Variants in RBM41 observed in about 807,000 individuals in gnomAD.
RBM41 encodes the protein RNA binding motif protein 41, also known as RNA-binding protein 41.
In RBM41, 14 loss-of-function variants were observed where a neutral mutation model predicts 30.8. The ratio of observed to expected loss-of-function variants is 0.45; its 90% CI spans 0.30 to 0.71. RBM41 has a LOEUF of 0.71. Among genes scored for constraint, RBM41 ranks in the 30% least tolerant of loss-of-function variants. The pLI is 0.08. For missense variants in RBM41, 276 were observed against 326.3 expected, an observed-to-expected ratio of 0.85 and a Z score of 1.19; for synonymous variants, 120 against 110.1, an observed-to-expected ratio of 1.09 and a Z score of -0.56.
At chrX:107,107,961 C>A (rs1167505001) in intron 5 of RBM41, among the ~76,000 whole-genome samples, 1 of 111,333 alleles carries the variant, frequency 9.0e-6, no homozygotes, top group East Asian at 2.8e-4. Flanking sequence ...ATATATGTTT[C>A]TTTCTCACTG....
chrX:107,081,328 T>C (rs1238968578), intron 6 of RBM41, among the ~76,000 whole-genome samples: 2 of 111,563 alleles, frequency 1.8e-5, no homozygotes, highest in Non-Finnish European at 3.8e-5. Context: ...CAATTTACTG[T>C]ATTTATGTGG....
rs1415460063 is a variant in RBM41, at chrX:107,102,451, T to C, written c.595+10946A>G. On this transcript the variant is annotated intron_variant, in intron 5 of 7. Transcript: ENST00000685964. ...ACAGTATAGATGGACAAACTTTCATTGAAGAGATTAAGTGTTAGGGTGTTA... is the reference window on the plus strand; with the variant it reads ...ACAGTATAGATGGACAAACTTTCATCGAAGAGATTAAGTGTTAGGGTGTTA... Among the ~76,000 whole-genome samples the C allele has an allele frequency of 2.7e-5, 3 of 111,270 alleles. No homozygotes were observed. In the Admixed American group the frequency reaches 2.9e-4, roughly 11 times the overall value.
In RBM41 at chrX:107,062,922, A is replaced by G. The variant is rs1411758884; in HGVS notation, c.*4605T>C. Among the ~76,000 whole-genome samples the G allele has an allele frequency of 8.9e-6, 1 of 112,070 alleles. No homozygotes were observed. The highest frequency in any genetic ancestry group is 3.2e-5 in the African/African-American group (1 of 30,852). On this transcript the variant is annotated 3_prime_UTR_variant, in exon 8 of 8. Coordinates refer to ENST00000685964, the MANE Select transcript of RBM41 (RefSeq NM_001324242.2). The stretch of plus-strand genomic sequence containing the variant: ...AACCTTGGACATGAGTATAGGTCAT[A>G]ATATATTCATAGATACACTTCACTA...
In RBM41 at chrX:107,088,653, T is replaced by G; in HGVS notation, c.782A>C (p.Gln261Pro). ...SGTAESPSLL[Q>P]DKGKQAAQGK... is the part of the protein sequence containing the mutation. ...CTGTGCTGCCTGTTTTCCCTTGTCC[T>G]GGAGTAATGATGGGCTCTCAGCTGT... Residue 261 changes from glutamine to proline, a missense_variant, in exon 6 of 8, where the codon CAG (glutamine) becomes CCG (proline). Physicochemically the swap from Gln to Pro is moderately conservative, Grantham distance 76. Coordinates refer to ENST00000685964, the MANE Select transcript of RBM41 (RefSeq NM_001324242.2). The G allele has an allele frequency of 1.7e-6, 2 of 1,211,578 alleles. No individual in the cohort carries two copies. The highest frequency in any genetic ancestry group is 1.1e-6 in the Non-Finnish European group (1 of 895,388).
At chrX:107,074,938 T>C (rs1263140988) in intron 6 of RBM41, among the ~76,000 whole-genome samples, 1 of 111,804 alleles carries the variant, frequency 8.9e-6, no homozygotes, top group African/African-American at 3.2e-5. Context: ...GAACCACAGA[T>C]GATACCAAGT....
chrX:107,104,666 G>A (rs1177772025), intron 5 of RBM41, among the ~76,000 whole-genome samples: 1 of 111,015 alleles, frequency 9.0e-6, no homozygotes, highest in African/African-American at 3.3e-5. Context: ...TATGGTTTTT[G>A]TCACTGGTTC....
In RBM41 at chrX:107,067,410, C is replaced by A; in HGVS notation, c.*117G>T. On this transcript the variant is annotated 3_prime_UTR_variant, in exon 8 of 8. Coordinates refer to ENST00000685964, the MANE Select transcript of RBM41 (RefSeq NM_001324242.2). ...CCAAAAGCTGAAATTACTTTTTTCC[C>A]CTCCCTCAGTTAGTTTTTCCTCTTC... is the stretch of plus-strand genomic sequence containing the variant. 1 of 1,091,843 alleles carries A rather than the reference C, an allele frequency of 9.2e-7. No homozygotes were observed. Among genetic ancestry groups the A allele is most frequent in the South Asian group, 2.8e-5 (1 of 35,355 alleles). 90.0% of individuals were successfully genotyped at this position (1,091,843 alleles called of 1,213,427 possible).
downstream of RBM41, among the ~76,000 whole-genome samples, chrX:107,059,337 G>C (rs933733672): frequency 9.1e-6 from 1 of 109,576 alleles, no homozygotes; most frequent in Admixed American, 9.8e-5. Context: ...TGGGGCCTGT[G>C]GGGTGGGGTG....
intron 5 of RBM41, among the ~76,000 whole-genome samples, chrX:107,091,157 TTAAGA>T (rs1922508698): frequency 8.9e-6 from 1 of 111,981 alleles, no homozygotes; most frequent in Non-Finnish European, 1.9e-5. Flanking sequence ...CAACTCAAAT[TTAAGA>T]TAACAAGATT....
At chrX:107,111,269 G>T (rs1414545169) in intron 5 of RBM41, among the ~76,000 whole-genome samples, 1 of 111,217 alleles carries the variant, frequency 9.0e-6, no homozygotes, top group African/African-American at 3.3e-5. Flanking sequence ...TATACAAATG[G>T]CCAAAAAGCA....
chrX:107,079,079 C>A (rs1921264159), intron 6 of RBM41, among the ~76,000 whole-genome samples: 1 of 111,294 alleles, frequency 9.0e-6, no homozygotes, highest in Admixed American at 9.5e-5. Flanking sequence ...TATTAGAAAC[C>A]AAGATAAGGA....
chrX:107,071,148 C>T (rs1351091865), intron 6 of RBM41, among the ~76,000 whole-genome samples: 3 of 106,616 alleles, frequency 2.8e-5, no homozygotes, highest in East Asian at 5.8e-4. Context: ...TTTTACCATG[C>T]CCTATACCTA....
chrX:107,090,620 T>C (rs1001266234), intron 5 of RBM41, among the ~76,000 whole-genome samples: 4 of 110,507 alleles, frequency 3.6e-5, no homozygotes, highest in Non-Finnish European at 7.6e-5. Flanking sequence ...TGGAATATTT[T>C]TGTAGGGACC....
chrX:107,066,558 T>C lies in RBM41; in HGVS notation c.*969A>G, dbSNP rs1363827188. The stretch of plus-strand genomic sequence containing the variant: ...CAACCCAGTGAGGTAAGTAGCATTA[T>C]TATCCTCACTTTATAGATGAAAAAT... On this transcript the variant is annotated 3_prime_UTR_variant, in exon 8 of 8. Coordinates refer to ENST00000685964, the MANE Select transcript of RBM41 (RefSeq NM_001324242.2). 2 of 210,508 alleles carry C rather than the reference T, an allele frequency of 9.5e-6. No homozygotes were observed. Among genetic ancestry groups the C allele is most frequent in the Non-Finnish European group, 1.4e-5 (2 of 144,094 alleles). 17.3% of individuals were successfully genotyped at this position (210,508 alleles called of 1,213,427 possible).
chrX:107,118,129 C>A (rs1925035444), intron 1 of RBM41, among the ~76,000 whole-genome samples: 1 of 110,777 alleles, frequency 9.0e-6, no homozygotes, highest in Non-Finnish European at 1.9e-5. Flanking sequence ...TTAGGAGGCT[C>A]AGGCCATTTA....
intron 1 of RBM41, 49 bp from the exon 2 acceptor site, chrX:107,116,815 C>A (rs199889973): frequency 1.8e-6 from 2 of 1,102,517 alleles, no homozygotes; most frequent in Middle Eastern, 6.7e-4. Flanking sequence ...GACTGTGAGT[C>A]TCAAAATATA....
chrX:107,080,660 T>C (rs1300655720), intron 6 of RBM41, among the ~76,000 whole-genome samples: 1 of 111,950 alleles, frequency 8.9e-6, no homozygotes, highest in East Asian at 2.8e-4. Flanking sequence ...TTTAAAAAAG[T>C]ACCTGTTGCT....
In RBM41 at chrX:107,113,420, C is replaced by T; in HGVS notation, c.572G>A (p.Arg191Lys). The T allele has an allele frequency of 1.0e-6, 1 of 982,463 alleles. No individual in the cohort carries two copies. Among genetic ancestry groups the T allele is most frequent in the Non-Finnish European group, 1.3e-6 (1 of 755,932 alleles). The allele number at this position is 982,463 out of a possible 1,213,427, so 81.0% of individuals were successfully genotyped here. The change falls in exon 5 of 8, where the codon AGG becomes AAG. Residue 191 changes from arginine to lysine, a missense_variant. Transcript: ENST00000685964. ...SADKYMTSMK[R>K]KIKLGTKDEP... ...GCCTTTTGTGCCTAATTTTATCTTC[C>T]TCTTCATTGAGGTCATGTACTTGTC...
intron 6 of RBM41, among the ~76,000 whole-genome samples, chrX:107,087,786 T>C (rs1246938167): frequency 9.0e-6 from 1 of 111,614 alleles, no homozygotes; most frequent in African/African-American, 3.3e-5. Context: ...GTATTTTTAG[T>C]AGAGATGGGG....
Sources: allele counts gnomAD v4.1 joint callset (sites outside exome capture counted in the v4.1 genomes callset), GRCh38; gene constraint gnomAD v4.1.1; transcripts MANE v1.5; gene names NCBI Gene and HGNC (gene_info 2026-07-23, HGNC 2026-07-21).